Variants in AFF3 observed in about 807,000 individuals in gnomAD.
The protein encoded by AFF3 is AF4/FMR2 family member 3.
A neutral mutation model predicts 129.7 loss-of-function variants in AFF3; 32 were observed. The ratio of observed to expected loss-of-function variants is 0.25; its 90% CI spans 0.19 to 0.33. AFF3 has a LOEUF of 0.33. AFF3 is among the 10% of genes least tolerant of loss of function. The pLI is 1.00. For missense variants in AFF3, 1,373 were observed against 1,592.0 expected (o/e 0.86, Z 2.34); for synonymous variants, 644 against 635.4 (o/e 1.01, Z -0.20).
chr2:99,734,579 C>T (rs187453339), intron 10 of AFF3, among the ~76,000 whole-genome samples: 67 of 152,040 alleles, frequency 4.4e-4, no homozygotes, highest in African/African-American at 1.6e-3. Context: ...TCCTTTAAAT[C>T]ATGTATAGTG....
At chr2:99,643,788 A>G (rs1003085705) in intron 13 of AFF3, among the ~76,000 whole-genome samples, 5 of 152,194 alleles carry the variant, frequency 3.3e-5, no homozygotes, top group Admixed American at 2.6e-4. Flanking sequence ...GACACAGACC[A>G]TTTCACATTC....
intron 7 of AFF3, among the ~76,000 whole-genome samples, chr2:99,992,475 C>T (rs1227283800): frequency 6.6e-6 from 1 of 152,214 alleles, no homozygotes; most frequent in Non-Finnish European, 1.5e-5. Flanking sequence ...TATATTTATA[C>T]TTACTTCAAT....
chr2:99,672,178 T>TCACACA (rs1177303721), intron 12 of AFF3, among the ~76,000 whole-genome samples: 46 of 56,344 alleles, frequency 8.2e-4, no homozygotes, highest in Middle Eastern at 9.3e-3. Context: ...AGTTAGCTTC[T>TCACACA]CACACACACA....
chr2:100,046,962 C>G (rs1193047014), intron 4 of AFF3, among the ~76,000 whole-genome samples: 1 of 148,802 alleles, frequency 6.7e-6, no homozygotes, highest in Non-Finnish European at 1.5e-5. Context: ...CTCCTCTTAA[C>G]AGCCAAAAAA....
At chr2:99,908,372 C>T (rs970847649) in intron 7 of AFF3, among the ~76,000 whole-genome samples, 20 of 151,958 alleles carry the variant, frequency 1.3e-4, no homozygotes, top group Admixed American at 5.2e-4. Flanking sequence ...ACCATAAAAG[C>T]GCTAGAAGAA....
chr2:99,822,166 G>A (rs183281573), intron 8 of AFF3, among the ~76,000 whole-genome samples: 149 of 152,168 alleles, frequency 9.8e-4, no homozygotes, highest in African/African-American at 3.5e-3. Context: ...ACAAGATGAC[G>A]TCACAAGACG....
At chr2:99,615,614 G>A (rs1681345263) in intron 13 of AFF3, among the ~76,000 whole-genome samples, 1 of 152,262 alleles carries the variant, frequency 6.6e-6, no homozygotes, top group Non-Finnish European at 1.5e-5. Context: ...GGCAGAGGGA[G>A]CTGAAAGCGT....
intron 12 of AFF3, among the ~76,000 whole-genome samples, chr2:99,658,883 G>A (rs1341199879): frequency 6.6e-6 from 1 of 152,156 alleles, no homozygotes; most frequent in Non-Finnish European, 1.5e-5. Context: ...AACAGACACT[G>A]GGGGAAACCT....
chr2:99,908,570 A>C (rs868321089), intron 7 of AFF3, among the ~76,000 whole-genome samples: 1 of 152,178 alleles, frequency 6.6e-6, no homozygotes, highest in Admixed American at 6.5e-5. Flanking sequence ...TTTTTGCAAC[A>C]TACTCATCTG....
intron 4 of AFF3, among the ~76,000 whole-genome samples, chr2:100,078,078 A>G (rs1688731170): frequency 6.6e-6 from 1 of 152,178 alleles, no homozygotes; most frequent in African/African-American, 2.4e-5. Flanking sequence ...TCAATTAGTA[A>G]ACTACACATA....
intron 4 of AFF3, among the ~76,000 whole-genome samples, chr2:100,029,576 G>A (rs1684318994): frequency 6.6e-6 from 1 of 152,170 alleles, no homozygotes; most frequent in Non-Finnish European, 1.5e-5. Context: ...GATAAATGCT[G>A]TGTGATTCCA....
intron 1 of AFF3, among the ~76,000 whole-genome samples, chr2:100,135,423 C>T (rs1368142976): frequency 6.6e-6 from 1 of 152,190 alleles, no homozygotes; most frequent in Non-Finnish European, 1.5e-5. Flanking sequence ...CTTCCTGCCT[C>T]TTAGAAACCA....
intron 4 of AFF3, among the ~76,000 whole-genome samples, chr2:100,069,522 T>C (rs1242758550): frequency 6.6e-6 from 1 of 152,154 alleles, no homozygotes; most frequent in East Asian, 1.9e-4. Flanking sequence ...TAGAAAACAG[T>C]CATAGTCCCT....
intron 4 of AFF3, 131 bp from the exon 5 acceptor site, chr2:100,009,063 CA>C: frequency 1.6e-6 from 2 of 1,263,846 alleles, no homozygotes; most frequent in Non-Finnish European, 2.1e-6. Context: ...ATGGATGAGA[CA>C]AAAGCCAGAG....
At chr2:99,619,667 G>A (rs1441148029) in intron 13 of AFF3, among the ~76,000 whole-genome samples, 1 of 152,192 alleles carries the variant, frequency 6.6e-6, no homozygotes, top group African/African-American at 2.4e-5. Flanking sequence ...CCTTACCAAG[G>A]ACTTGGGCTC....
At chr2:99,812,504 A>G (rs554298832) in intron 8 of AFF3, among the ~76,000 whole-genome samples, 32 of 152,236 alleles carry the variant, frequency 2.1e-4, no homozygotes, top group Non-Finnish European at 4.4e-4. Context: ...CGTACACGGC[A>G]TCGTCCATGA....
chr2:99,614,075 A>G (rs1480025255), intron 13 of AFF3, among the ~76,000 whole-genome samples: 1 of 152,184 alleles, frequency 6.6e-6, no homozygotes, highest in Non-Finnish European at 1.5e-5. Flanking sequence ...CGATTTGGAA[A>G]AGGTGAGAGG....
In AFF3 at chr2:99,689,021, T is replaced by C. The variant is rs192849107; in HGVS notation, c.1092-16432A>G. On this transcript the variant is annotated intron_variant, in intron 11 of 24. Transcript: ENST00000672756. The stretch of plus-strand genomic sequence containing the variant: ...TGGTCCTCTGCACGTGGGTTTTGAC[T>C]TCCTCTCTCTCCTCCCTACAGACAA... Among the ~76,000 whole-genome samples, 9 of 152,220 alleles carry C rather than the reference T, an allele frequency of 5.9e-5. No homozygotes were observed. In the East Asian group the frequency reaches 1.7e-3, roughly 29 times the overall value.
intron 4 of AFF3, among the ~76,000 whole-genome samples, chr2:100,104,117 C>T (rs1413693384): frequency 1.3e-5 from 2 of 152,036 alleles, no homozygotes; most frequent in African/African-American, 4.8e-5. Context: ...GCTTCTTTTC[C>T]TCCCCACGGC....
Sources: allele counts gnomAD v4.1 joint callset (sites outside exome capture counted in the v4.1 genomes callset), GRCh38; gene constraint gnomAD v4.1.1; transcripts MANE v1.5; gene names NCBI Gene and HGNC (gene_info 2026-07-23, HGNC 2026-07-21).